The following CFDP1 variants were observed in gnomAD, a reference collection of about 807,000 sequenced individuals.
CFDP1 encodes the protein heterochromatin-stabilizing protein CFDP1.
Under a neutral mutation model 40.1 loss-of-function variants are expected in CFDP1, and 31 were observed. That is an observed-to-expected ratio of 0.77 (90% CI 0.58 to 1.04). CFDP1 has a LOEUF of 1.04. Ranked by LOEUF, CFDP1 falls within the 50% of genes least tolerant of loss-of-function variation. The pLI is 0.00. For missense variants in CFDP1, 423 were observed against 343.4 expected (o/e 1.23, Z -1.83); for synonymous variants, 167 against 120.0 (o/e 1.39, Z -2.56).
At chr16:75,397,597 T>C (rs1229030545) in intron 4 of CFDP1, among the ~76,000 whole-genome samples, 1 of 151,864 alleles carries the variant, frequency 6.6e-6, no homozygotes, top group Non-Finnish European at 1.5e-5. Flanking sequence ...GGTCAGGAGT[T>C]CGAGACCAGC....
intron 5 of CFDP1, among the ~76,000 whole-genome samples, chr16:75,368,591 T>C (rs181851529): frequency 8.5e-5 from 13 of 152,358 alleles, no homozygotes; most frequent in Middle Eastern, 3.4e-3. Flanking sequence ...ATATAAAAGA[T>C]TGGCAAAATA....
intron 6 of CFDP1, among the ~76,000 whole-genome samples, chr16:75,300,246 T>C (rs1248773409): frequency 6.6e-6 from 1 of 152,088 alleles, no homozygotes; most frequent in Non-Finnish European, 1.5e-5. Flanking sequence ...CAATTGGACT[T>C]GTGGGATGTT....
chr16:75,394,314 T>C (rs1256444259), intron 5 of CFDP1, among the ~76,000 whole-genome samples: 2 of 152,206 alleles, frequency 1.3e-5, no homozygotes, highest in Admixed American at 1.3e-4. Flanking sequence ...AAGAAAAGAA[T>C]TTTTACTTCT....
At chr16:75,334,974 G>GA (rs2078476081) in intron 5 of CFDP1, among the ~76,000 whole-genome samples, 1 of 151,462 alleles carries the variant, frequency 6.6e-6, no homozygotes, top group African/African-American at 2.4e-5. Flanking sequence ...AAAAAGAAAA[G>GA]AAAAAAAGAA....
intron 5 of CFDP1, among the ~76,000 whole-genome samples, chr16:75,370,733 G>A (rs1410312969): frequency 6.6e-6 from 1 of 152,082 alleles, no homozygotes; most frequent in Non-Finnish European, 1.5e-5. Context: ...GTGGTGGCAT[G>A]TGCCTGTAAT....
rs533431891 is a variant in CFDP1 at position 75,332,869 on chromosome 16, G to T, written c.651-27687C>A. ...GTCACCCAGGCTGGAGTACAGTGGC[G>T]CGATCCCAGCTCACTGCAACCTCCG... On this transcript the variant is annotated intron_variant, in intron 5 of 6. Transcript: ENST00000283882. Among the ~76,000 whole-genome samples the T allele has an allele frequency of 9.3e-4, 137 of 146,548 alleles. 1 individual carries two copies. Among genetic ancestry groups the T allele is most frequent in the African/African-American group, 3.4e-3 (135 of 39,528 alleles).
At chr16:75,385,129 G>A (rs2078885132) in intron 5 of CFDP1, among the ~76,000 whole-genome samples, 1 of 151,464 alleles carries the variant, frequency 6.6e-6, no homozygotes, top group Non-Finnish European at 1.5e-5. Context: ...ATGAATACTT[G>A]GAATATTTTG....
At chr16:75,348,187 C>T (rs1033731749) in intron 5 of CFDP1, among the ~76,000 whole-genome samples, 8 of 152,136 alleles carry the variant, frequency 5.3e-5, no homozygotes, top group Non-Finnish European at 8.8e-5. Flanking sequence ...TGGTGATTCA[C>T]AGGAGTGATC....
intron 1 of CFDP1, among the ~76,000 whole-genome samples, chr16:75,427,327 T>C (rs9927581): frequency 0.92 from 138,979 of 151,852 alleles, 63,619 homozygotes; most frequent in East Asian, 1. Flanking sequence ...TCCGGCTCAC[T>C]GCAACCTCCA....
chr16:75,366,582 C>T (rs576315181), intron 5 of CFDP1, among the ~76,000 whole-genome samples: 2 of 152,224 alleles, frequency 1.3e-5, no homozygotes, highest in East Asian at 3.9e-4. Flanking sequence ...GAGATCGTGC[C>T]ACTGTACTCT....
chr16:75,325,846 A>G (rs751087293), intron 5 of CFDP1, among the ~76,000 whole-genome samples: 4 of 152,238 alleles, frequency 2.6e-5, no homozygotes, highest in Non-Finnish European at 4.4e-5. Context: ...AGGGGAACTA[A>G]GTACTTCAGA....
At chr16:75,328,760 C>T in intron 5 of CFDP1, among the ~76,000 whole-genome samples, 1 of 151,064 alleles carries the variant, frequency 6.6e-6, no homozygotes, top group East Asian at 2.0e-4. Flanking sequence ...CTCAATGCAA[C>T]CTCTGCTTCC....
At chr16:75,391,378 A>C (rs2078949017) in intron 5 of CFDP1, 1 of 152,120 alleles carries the variant, frequency 6.6e-6, no homozygotes, top group South Asian at 2.1e-4. Context: ...CCACATACAA[A>C]CCTGGCAACT....
intron 5 of CFDP1, among the ~76,000 whole-genome samples, chr16:75,364,628 G>T (rs551247963): frequency 2.0e-4 from 30 of 152,104 alleles, no homozygotes; most frequent in Non-Finnish European, 1.6e-4. Flanking sequence ...ATATTTAAAA[G>T]ATTTGTAAAA....
intron 5 of CFDP1, among the ~76,000 whole-genome samples, chr16:75,371,581 T>C (rs796125483): frequency 6.6e-5 from 10 of 152,200 alleles, no homozygotes; most frequent in African/African-American, 2.2e-4. Flanking sequence ...TCAGGCTCTT[T>C]TCTAAAAACA....
At chr16:75,305,382 A>G in intron 5 of CFDP1, 200 bp from the exon 6 acceptor site, 2 of 569,274 alleles carry the variant, frequency 3.5e-6, no homozygotes, top group East Asian at 6.0e-5. Context: ...CCTGCTTAAC[A>G]CCACTGTCTG....
intron 5 of CFDP1, among the ~76,000 whole-genome samples, chr16:75,374,835 C>T (rs767661107): frequency 6.6e-6 from 1 of 152,014 alleles, no homozygotes; most frequent in African/African-American, 2.4e-5. Context: ...TTTTTTCTTA[C>T]TAATTCTTCA....
At chr16:75,381,059 A>G (rs1480299978) in intron 5 of CFDP1, 1 of 152,236 alleles carries the variant, frequency 6.6e-6, no homozygotes, top group Admixed American at 6.5e-5. Flanking sequence ...GAGTGGAGAG[A>G]GGAAGAGTGA....
chr16:75,361,152 G>A (rs913563252), intron 5 of CFDP1, among the ~76,000 whole-genome samples: 2 of 152,044 alleles, frequency 1.3e-5, no homozygotes, highest in African/African-American at 4.8e-5. Flanking sequence ...TGGGAATACA[G>A]GCACGCACCA....
Sources: allele counts gnomAD v4.1 joint callset (sites outside exome capture counted in the v4.1 genomes callset), GRCh38; gene constraint gnomAD v4.1.1; transcripts MANE v1.5; gene names NCBI Gene and HGNC (gene_info 2026-07-23, HGNC 2026-07-21).